The following SPATA16 variants were observed in gnomAD, a reference collection of about 807,000 sequenced individuals.
SPATA16 encodes spermatogenesis-associated protein 16.
In SPATA16, 36 loss-of-function variants were observed where a neutral mutation model predicts 63.3. The observed-to-expected ratio is 0.57, with a 90% CI of 0.44 to 0.75. SPATA16 has a LOEUF of 0.75. Ranked by LOEUF, SPATA16 falls within the 30% of genes least tolerant of loss-of-function variation. The probability of loss-of-function intolerance (pLI) is 0.00; values close to 1 mark genes in which losing one functional copy is unlikely to be tolerated. For synonymous variants in SPATA16, 203 were observed against 216.7 expected, an observed-to-expected ratio of 0.94 and a Z score of 0.56; for missense variants, 646 against 679.3, an observed-to-expected ratio of 0.95 and a Z score of 0.54.
chr3:173,014,693 A>AT (rs1735142267), intron 4 of SPATA16, among the ~76,000 whole-genome samples: 2 of 152,224 alleles, frequency 1.3e-5, no homozygotes, highest in Admixed American at 1.3e-4. Flanking sequence ...TTGAACCTAC[A>AT]TTCCCATAGA....
intron 2 of SPATA16, among the ~76,000 whole-genome samples, chr3:173,103,968 G>T (rs1474079456): frequency 6.6e-6 from 1 of 152,192 alleles, no homozygotes; most frequent in East Asian, 1.9e-4. Context: ...GTTAGAAGCA[G>T]CCAGGCCTTA....
At chr3:173,078,826 C>G (rs1253862879) in intron 2 of SPATA16, among the ~76,000 whole-genome samples, 1 of 152,116 alleles carries the variant, frequency 6.6e-6, no homozygotes, top group African/African-American at 2.4e-5. Context: ...CTGAAAACAT[C>G]CAGTGAGCAG....
intron 2 of SPATA16, among the ~76,000 whole-genome samples, chr3:173,108,128 C>T (rs987662401): frequency 1.3e-5 from 2 of 152,074 alleles, no homozygotes; most frequent in African/African-American, 4.8e-5. Flanking sequence ...TCCTCAGCTT[C>T]CTATGGATTA....
chr3:172,892,422 C>T (rs1731911052), intron 10 of SPATA16, among the ~76,000 whole-genome samples: 1 of 152,320 alleles, frequency 6.6e-6, no homozygotes, highest in Admixed American at 6.5e-5. Context: ...TTCCATGACT[C>T]ACACTCACAT....
At chr3:173,008,060 A>G (rs986785804) in intron 4 of SPATA16, among the ~76,000 whole-genome samples, 2 of 152,126 alleles carry the variant, frequency 1.3e-5, no homozygotes, top group Admixed American at 6.6e-5. Context: ...ATTTCAGTGC[A>G]TTTTCAAATT....
In SPATA16 at chr3:173,092,148, G is replaced by T. The variant is rs184408096; in HGVS notation, c.612+24972C>A. ...TATGCTGATGCTCATACTGCTTGTG[G>T]TGCCATCAGCAATAATATTCTTTGT... On this transcript the variant is annotated intron_variant, in intron 2 of 10. Transcript: ENST00000351008. Among the ~76,000 whole-genome samples the T allele has an allele frequency of 1.4e-4, 22 of 152,206 alleles. No individual in the cohort carries two copies. The East Asian group carries it at 4.3e-3, about 29-fold the overall frequency.
At chr3:173,034,196 T>C (rs1735665710) in intron 3 of SPATA16, among the ~76,000 whole-genome samples, 1 of 152,178 alleles carries the variant, frequency 6.6e-6, no homozygotes, top group African/African-American at 2.4e-5. Context: ...TTGAGTAGCC[T>C]TATTGTATGG....
At chr3:173,100,680 ACAC>A (rs1737468424) in intron 2 of SPATA16, among the ~76,000 whole-genome samples, 1 of 149,984 alleles carries the variant, frequency 6.7e-6, no homozygotes, top group Non-Finnish European at 1.5e-5. Context: ...ACACACACAC[ACAC>A]ACACACACAC....
At chr3:173,136,260 G>A (rs139825456) in intron 1 of SPATA16, among the ~76,000 whole-genome samples, 2,056 of 152,274 alleles carry the variant, frequency 0.014, 47 homozygotes, top group African/African-American at 0.045. Context: ...AAACACCAGG[G>A]CAAACAGCAC....
intron 4 of SPATA16, among the ~76,000 whole-genome samples, chr3:172,985,290 A>G (rs1297571370): frequency 6.6e-6 from 1 of 152,230 alleles, no homozygotes; most frequent in Non-Finnish European, 1.5e-5. Context: ...AGAGGAATGG[A>G]TAAATAGAAC....
rs1732491631 is a variant in SPATA16, at chr3:172,916,479, C to G, written c.1341G>C (p.Gly447=). Residue 447 remains glycine (G), a splice_region_variant and synonymous_variant, in exon 9 of 11, where the codon GGG becomes GGC. Coordinates refer to ENST00000351008, the MANE Select transcript of SPATA16 (RefSeq NM_031955.6). ...LDFIRSTQLN[G]SFPASSGVME... Reference sequence around the variant, plus strand: ...TCACACCTGAGGATGCAGGAAAACTCCCCTAGTCTCAAAGTAAAAGAAATG... The same window carrying G: ...TCACACCTGAGGATGCAGGAAAACTGCCCTAGTCTCAAAGTAAAAGAAATG... 1.2e-6 allele frequency: 2 copies of G among 1,613,524 alleles called. No homozygotes were observed. Among genetic ancestry groups the G allele is most frequent in the Non-Finnish European group, 1.7e-6 (2 of 1,179,610 alleles).
chr3:173,066,155 TCTGAAGCACCAAATTTCAGGCATTTGGTG>T (rs1156639054), intron 2 of SPATA16, among the ~76,000 whole-genome samples: 4 of 152,144 alleles, frequency 2.6e-5, no homozygotes, highest in Non-Finnish European at 2.9e-5. Flanking sequence ...GCACCAGATT[TCTGAAGCACCAAATTTCAGGCATTTGGTG>T]CTGGATAGCA....
At chr3:172,978,056 A>T (rs780382239) in intron 4 of SPATA16, among the ~76,000 whole-genome samples, 5 of 152,100 alleles carry the variant, frequency 3.3e-5, no homozygotes, top group Non-Finnish European at 5.9e-5. Flanking sequence ...TTCAGGACAG[A>T]CAAAAATTAG....
At chr3:173,042,251 G>A (rs142032507) in intron 3 of SPATA16, among the ~76,000 whole-genome samples, 16 of 151,988 alleles carry the variant, frequency 1.1e-4, no homozygotes, top group African/African-American at 3.4e-4. Flanking sequence ...ACAGAGTCTC[G>A]CTCTGTCTCG....
chr3:172,980,706 A>G (rs1339362077), intron 4 of SPATA16, among the ~76,000 whole-genome samples: 1 of 151,822 alleles, frequency 6.6e-6, no homozygotes, highest in African/African-American at 2.4e-5. Flanking sequence ...CTCTCTTTCC[A>G]TTTCTCATTT....
chr3:173,050,316 A>G (rs963878294), intron 2 of SPATA16, among the ~76,000 whole-genome samples: 1 of 152,160 alleles, frequency 6.6e-6, no homozygotes, highest in Non-Finnish European at 1.5e-5. Flanking sequence ...CTGAATTGGT[A>G]GTTACCTAAT....
At chr3:173,050,215 G>T (rs1736053585) in intron 2 of SPATA16, among the ~76,000 whole-genome samples, 1 of 152,038 alleles carries the variant, frequency 6.6e-6, no homozygotes, top group South Asian at 2.1e-4. Context: ...GCTATATTCT[G>T]TTCTAAAATG....
At chr3:173,113,784 C>G (rs961310954) in intron 2 of SPATA16, among the ~76,000 whole-genome samples, 1 of 152,146 alleles carries the variant, frequency 6.6e-6, no homozygotes, top group Non-Finnish European at 1.5e-5. Flanking sequence ...GCCTTTGCTC[C>G]GTTCTTACTT....
chr3:173,022,835 A>C (rs933657835), intron 3 of SPATA16, among the ~76,000 whole-genome samples: 2 of 152,080 alleles, frequency 1.3e-5, no homozygotes, highest in Non-Finnish European at 2.9e-5. Flanking sequence ...TGATTTAGCT[A>C]TGCTGATAGG....
Sources: allele counts gnomAD v4.1 joint callset (sites outside exome capture counted in the v4.1 genomes callset), GRCh38; gene constraint gnomAD v4.1.1; transcripts MANE v1.5; gene names NCBI Gene and HGNC (gene_info 2026-07-23, HGNC 2026-07-21).